Variants in MUCL1 observed in about 807,000 individuals in gnomAD.
The protein encoded by MUCL1 is mucin like 1.
Under a neutral mutation model 9.2 loss-of-function variants are expected in MUCL1, and 11 were observed. That is an observed-to-expected ratio of 1.19 (90% CI 0.75 to 1.97). The LOEUF (loss-of-function observed/expected upper bound fraction) is 1.97, where lower values mean the gene tolerates loss of function less well. Ranked by LOEUF, MUCL1 falls within the 30% of genes most tolerant of loss-of-function variation. The pLI is 0.00. For synonymous variants in MUCL1, 48 were observed against 40.5 expected, an observed-to-expected ratio of 1.19 and a Z score of -0.71; for missense variants, 144 against 110.9, an observed-to-expected ratio of 1.30 and a Z score of -1.34.
At chr12:54,849,197 G>A (rs1228372989) in intron 1 of MUCL1, among the ~76,000 whole-genome samples, 1 of 152,048 alleles carries the variant, frequency 6.6e-6, no homozygotes, top group Non-Finnish European at 1.5e-5. Flanking sequence ...CAAATATATG[G>A]TCACTTGCAT....
intron 1 of MUCL1, among the ~76,000 whole-genome samples, chr12:54,844,747 A>C (rs938880823): frequency 6.6e-6 from 1 of 152,214 alleles, no homozygotes; most frequent in African/African-American, 2.4e-5. Context: ...TTTTCTCCAC[A>C]TATCTTTTAC....
chr12:54,833,622 C>A (rs1235776141), intron 1 of MUCL1, among the ~76,000 whole-genome samples: 1 of 152,006 alleles, frequency 6.6e-6, no homozygotes, highest in Non-Finnish European at 1.5e-5. Flanking sequence ...ATTTATACAC[C>A]ATGGAATACT....
At chr12:54,839,743 T>G (rs1168951589) in intron 1 of MUCL1, among the ~76,000 whole-genome samples, 4 of 152,100 alleles carry the variant, frequency 2.6e-5, no homozygotes, top group Non-Finnish European at 4.4e-5. Context: ...ACTCCTTGTG[T>G]GGGGATGTAG....
chr12:54,856,846 C>G lies in MUCL1; in HGVS notation c.177C>G (p.Thr59=), dbSNP rs1190193182. The G allele has an allele frequency of 1.2e-6, 2 of 1,612,472 alleles. No homozygotes were observed. Among genetic ancestry groups the G allele is most frequent in the Non-Finnish European group, 1.7e-6 (2 of 1,179,016 alleles). The change falls in exon 3 of 4, where the codon ACC becomes ACG. Residue 59 remains threonine (T), a synonymous_variant. Coordinates refer to ENST00000308796, the MANE Select transcript of MUCL1 (RefSeq NM_058173.3). The stretch of plus-strand genomic sequence containing the variant: ...CCACTGCAACCACTGCTGCTCCTAC[C>G]ACTGCAACCACCGCTGCTTCTACCA... ...AATTATTAAP[T]TATTAASTTA...
chr12:54,852,035 T>G (rs1868252229), upstream of MUCL1, among the ~76,000 whole-genome samples: 1 of 152,230 alleles, frequency 6.6e-6, no homozygotes, highest in African/African-American at 2.4e-5. Flanking sequence ...GAACATTCCA[T>G]GCTCATGGGT....
upstream of MUCL1, among the ~76,000 whole-genome samples, chr12:54,850,421 G>T (rs1256292600): frequency 3.4e-5 from 5 of 148,544 alleles, no homozygotes; most frequent in Admixed American, 6.8e-5. Context: ...TTGGTTTTTT[G>T]TCCTTGCGAT....
At chr12:54,847,386 C>T (rs113020470) in intron 1 of MUCL1, among the ~76,000 whole-genome samples, 62 of 152,252 alleles carry the variant, frequency 4.1e-4, no homozygotes, top group African/African-American at 1.3e-3. Flanking sequence ...GAGGATGAGG[C>T]AGGTGGATCG....
intron 1 of MUCL1, among the ~76,000 whole-genome samples, chr12:54,847,901 C>T (rs886170928): frequency 1.1e-4 from 16 of 152,136 alleles, no homozygotes; most frequent in Admixed American, 1.3e-4. Flanking sequence ...GCTAGACAGT[C>T]ACTGCACAGC....
upstream of MUCL1, among the ~76,000 whole-genome samples, chr12:54,852,876 C>G (rs920194985): frequency 1.3e-5 from 2 of 152,058 alleles, no homozygotes; most frequent in Non-Finnish European, 2.9e-5. Flanking sequence ...TTCACTTTTC[C>G]TTCAGAATAT....
At chr12:54,855,014 T>C (rs1868288570) in intron 1 of MUCL1, 102 bp from the exon 2 acceptor site, 7 of 939,030 alleles carry the variant, frequency 7.5e-6, no homozygotes, top group Non-Finnish European at 1.0e-5. Context: ...GGACTGAGGG[T>C]CTTCCATTGT....
At chr12:54,835,962 G>A (rs1840361), upstream of MUCL1, among the ~76,000 whole-genome samples, 79,500 of 151,890 alleles carry the variant, frequency 0.52, 21,269 homozygotes, top group East Asian at 0.86. Context: ...TCTTTTTGAC[G>A]AGCTGTTGGA....
chr12:54,853,185 G>A (rs1485274075), upstream of MUCL1, among the ~76,000 whole-genome samples: 2 of 152,106 alleles, frequency 1.3e-5, no homozygotes, highest in Admixed American at 6.6e-5. Flanking sequence ...GACCCAAAAA[G>A]GCATACTTTG....
At chr12:54,843,503 G>T (rs181951670) in intron 1 of MUCL1, among the ~76,000 whole-genome samples, 2 of 152,188 alleles carry the variant, frequency 1.3e-5, no homozygotes, top group African/African-American at 4.8e-5. Flanking sequence ...TGTGATTAAG[G>T]TCGCAGATGA....
upstream of MUCL1, among the ~76,000 whole-genome samples, chr12:54,850,355 T>A (rs1959320333): frequency 7.4e-6 from 1 of 134,326 alleles, no homozygotes. Flanking sequence ...TTCCCCTTCC[T>A]GTGTCCACGT....
upstream of MUCL1, among the ~76,000 whole-genome samples, chr12:54,838,388 G>A (rs1959196858): frequency 6.6e-6 from 1 of 152,098 alleles, no homozygotes; most frequent in Admixed American, 6.5e-5. Context: ...ACTTTAGATG[G>A]CCTGATGACT....
chr12:54,844,833 A>G (rs1454641), intron 1 of MUCL1, among the ~76,000 whole-genome samples: 78,879 of 152,034 alleles, frequency 0.52, 20,922 homozygotes, highest in East Asian at 0.86. Context: ...CCCAATTTTG[A>G]TGCCAAATTT....
chr12:54,839,692 G>A (rs762136782), intron 1 of MUCL1, among the ~76,000 whole-genome samples: 3 of 152,152 alleles, frequency 2.0e-5, no homozygotes, highest in Non-Finnish European at 4.4e-5. Flanking sequence ...ATGTAGAAAG[G>A]GATTGTGACT....
At chr12:54,837,219 T>C (rs2121481854), upstream of MUCL1, among the ~76,000 whole-genome samples, 1 of 152,286 alleles carries the variant, frequency 6.6e-6, no homozygotes, top group Admixed American at 6.5e-5. Context: ...GTCTATTTCT[T>C]TTATTAGGTT....
chr12:54,843,701 A>G (rs139836481), intron 1 of MUCL1, among the ~76,000 whole-genome samples: 1 of 152,306 alleles, frequency 6.6e-6, no homozygotes, highest in African/African-American at 2.4e-5. Context: ...AGGGCCCACA[A>G]GGCAAGTAAT....
Sources: allele counts gnomAD v4.1 joint callset (sites outside exome capture counted in the v4.1 genomes callset), GRCh38; gene constraint gnomAD v4.1.1; transcripts MANE v1.5; gene names NCBI Gene and HGNC (gene_info 2026-07-23, HGNC 2026-07-21).